Variants in RFFL observed in about 807,000 individuals in gnomAD.
The protein encoded by RFFL is E3 ubiquitin-protein ligase rififylin.
RFFL carries 16 observed loss-of-function variants against 40.4 expected under a neutral mutation model. The observed-to-expected ratio is 0.40, with a 90% CI of 0.27 to 0.60. The LOEUF (loss-of-function observed/expected upper bound fraction) is 0.60. RFFL is among the 20% of genes least tolerant of loss of function. The pLI, the probability that RFFL is intolerant of heterozygous loss-of-function variation, is 0.47. For synonymous variants in RFFL, 154 were observed against 167.9 expected, an observed-to-expected ratio of 0.92 and a Z score of 0.64; for missense variants, 367 against 451.7, an observed-to-expected ratio of 0.81 and a Z score of 1.70.
intron 1 of RFFL, among the ~76,000 whole-genome samples, chr17:35,057,497 A>G (rs2091268005): frequency 6.6e-6 from 1 of 151,352 alleles, no homozygotes; most frequent in South Asian, 2.1e-4. Flanking sequence ...CTTCCCTATA[A>G]CATAGCTGTC....
intron 1 of RFFL, among the ~76,000 whole-genome samples, chr17:35,038,730 G>C: frequency 6.6e-6 from 1 of 152,188 alleles, no homozygotes; most frequent in South Asian, 2.1e-4. Flanking sequence ...AATCAGGATA[G>C]TGGTCATCCT....
At chr17:35,058,487 G>A (rs1444454899) in intron 1 of RFFL, among the ~76,000 whole-genome samples, 1 of 152,100 alleles carries the variant, frequency 6.6e-6, no homozygotes, top group African/African-American at 2.4e-5. Flanking sequence ...TAAAATTGGT[G>A]GTAGGCCAGG....
chr17:35,065,183 G>T (rs761924065), upstream of RFFL, among the ~76,000 whole-genome samples: 4 of 151,350 alleles, frequency 2.6e-5, no homozygotes, highest in Non-Finnish European at 5.9e-5. Context: ...AACTCTCAAG[G>T]TACAGACAAA....
chr17:35,054,351 C>A (rs1053427707), intron 1 of RFFL, among the ~76,000 whole-genome samples: 1 of 152,194 alleles, frequency 6.6e-6, no homozygotes, highest in African/African-American at 2.4e-5. Context: ...TCCACCATTC[C>A]CACAAGCTGA....
chr17:35,039,904 A>C (rs372098408), intron 1 of RFFL, among the ~76,000 whole-genome samples: 3 of 149,098 alleles, frequency 2.0e-5, no homozygotes, highest in Non-Finnish European at 1.5e-5. Context: ...CAAACACCCA[A>C]CCACAGGTGA....
At chr17:35,080,651 C>T (rs754462496) in intron 1 of RFFL, among the ~76,000 whole-genome samples, 4 of 152,104 alleles carry the variant, frequency 2.6e-5, no homozygotes, top group Non-Finnish European at 4.4e-5. Flanking sequence ...TTTAACCACT[C>T]AGAAGCCAGC....
At chr17:35,030,624 T>C (rs1022272670) in intron 1 of RFFL, among the ~76,000 whole-genome samples, 1 of 151,492 alleles carries the variant, frequency 6.6e-6, no homozygotes, top group Non-Finnish European at 1.5e-5. Context: ...TAGTAGAGAC[T>C]GGGTTTTGTC....
upstream of RFFL, among the ~76,000 whole-genome samples, chr17:35,067,283 A>C (rs1285116645): frequency 2.0e-5 from 3 of 151,382 alleles, no homozygotes; most frequent in Non-Finnish European, 4.4e-5. Context: ...ATGTCTGGCT[A>C]ATTTTTGTAT....
intron 1 of RFFL, among the ~76,000 whole-genome samples, chr17:35,043,095 C>T (rs1447105569): frequency 1.3e-5 from 2 of 152,058 alleles, no homozygotes; most frequent in African/African-American, 4.8e-5. Context: ...TGCATATTTC[C>T]TAGGTAAGAA....
At chr17:35,080,215 T>C (rs1267406552) in intron 1 of RFFL, among the ~76,000 whole-genome samples, 1 of 152,102 alleles carries the variant, frequency 6.6e-6, no homozygotes, top group Non-Finnish European at 1.5e-5. Flanking sequence ...ATAATTAGTA[T>C]AGTTAAGATG....
intron 1 of RFFL, among the ~76,000 whole-genome samples, chr17:35,070,786 C>A (rs780458042): frequency 6.6e-6 from 1 of 152,178 alleles, no homozygotes; most frequent in African/African-American, 2.4e-5. Context: ...GAGGCAGATT[C>A]ATTCAGAGAG....
chr17:35,012,111 T>TA lies in RFFL; in HGVS notation c.948dup (p.Lys317Ter). 1 of 1,614,138 alleles carries TA rather than the reference T, an allele frequency of 6.2e-7. No individual in the cohort carries two copies. Among genetic ancestry groups the TA allele is most frequent in the Non-Finnish European group, 8.5e-7 (1 of 1,180,022 alleles). ...TCAATGGGTGAGTCCATGCAGATCT[T>TA]ACACAGGTTCTCCTCCAAGCCTGAT... On this transcript the variant is annotated frameshift_variant, in exon 7 of 7. Transcript: ENST00000394597. LOFTEE classifies it high-confidence loss of function.
intron 2 of RFFL, among the ~76,000 whole-genome samples, chr17:35,024,246 C>G (rs2091027595): frequency 6.6e-6 from 1 of 152,178 alleles, no homozygotes; most frequent in Non-Finnish European, 1.5e-5. Flanking sequence ...ACCCTATTCC[C>G]TGGAATATGG....
intron 1 of RFFL, among the ~76,000 whole-genome samples, chr17:35,062,047 A>T (rs2091294151): frequency 6.6e-6 from 1 of 152,116 alleles, no homozygotes; most frequent in African/African-American, 2.4e-5. Context: ...AAGAAAAGCC[A>T]CACATCAAAC....
chr17:35,015,511 G>A (rs2090967866), intron 5 of RFFL, among the ~76,000 whole-genome samples: 1 of 152,182 alleles, frequency 6.6e-6, no homozygotes, highest in South Asian at 2.1e-4. Context: ...AGGGAAAACA[G>A]ACTCCATGTC....
intron 1 of RFFL, among the ~76,000 whole-genome samples, chr17:35,038,293 A>G (rs1465644651): frequency 6.7e-6 from 1 of 149,530 alleles, no homozygotes; most frequent in Non-Finnish European, 1.5e-5. Flanking sequence ...TCTCAAAAAA[A>G]AAAAAAAAAA....
At chr17:35,024,288 C>T (rs2091027868) in intron 2 of RFFL, among the ~76,000 whole-genome samples, 1 of 152,162 alleles carries the variant, frequency 6.6e-6, no homozygotes, top group Admixed American at 6.5e-5. Context: ...TATATAAAAC[C>T]TTAGCACAAA....
chr17:35,042,891 T>C (rs1041082650), intron 1 of RFFL, among the ~76,000 whole-genome samples: 9 of 146,584 alleles, frequency 6.1e-5, no homozygotes, highest in South Asian at 2.2e-4. Context: ...AGAAGACATG[T>C]ATATGGTAGA....
chr17:35,043,821 G>A (rs2091181250), intron 1 of RFFL, among the ~76,000 whole-genome samples: 3 of 152,090 alleles, frequency 2.0e-5, no homozygotes, highest in African/African-American at 7.2e-5. Context: ...TCTGATTTTT[G>A]TAGGATTCAA....
Sources: allele counts gnomAD v4.1 joint callset (sites outside exome capture counted in the v4.1 genomes callset), GRCh38; gene constraint gnomAD v4.1.1; transcripts MANE v1.5; gene names NCBI Gene and HGNC (gene_info 2026-07-23, HGNC 2026-07-21).